ANKS1B: variants seen among roughly 807,000 people sequenced by gnomAD.
ANKS1B encodes ankyrin repeat and sterile alpha motif domain-containing protein 1B.
ANKS1B carries 36 observed loss-of-function variants against 148.3 expected under a neutral mutation model. The observed-to-expected ratio is 0.24, with a 90% CI of 0.19 to 0.32. The LOEUF (loss-of-function observed/expected upper bound fraction) is 0.32. Among genes scored for constraint, ANKS1B ranks in the 10% least tolerant of loss-of-function variants. ANKS1B has a pLI of 1.00. For synonymous variants in ANKS1B, 542 were observed against 560.8 expected, an observed-to-expected ratio of 0.97 and a Z score of 0.47; for missense variants, 1,157 against 1,542.6, an observed-to-expected ratio of 0.75 and a Z score of 4.19.
chr12:99,881,817 A>G (rs1308821353), intron 1 of ANKS1B, among the ~76,000 whole-genome samples: 1 of 152,226 alleles, frequency 6.6e-6, no homozygotes, highest in East Asian at 1.9e-4. Context: ...ATGCTAAAAT[A>G]AAAATATCAA....
chr12:98,742,276 C>CGAAGGA (rs2097804548), downstream of ANKS1B, among the ~76,000 whole-genome samples: 1 of 152,136 alleles, frequency 6.6e-6, no homozygotes, highest in African/African-American at 2.4e-5. Context: ...TGTCTTATTT[C>CGAAGGA]AGCCTGATGT....
rs139730139 is a variant in ANKS1B at position 99,001,079 on chromosome 12, A to G, written c.2778+52078T>C. Reference sequence around the variant, plus strand: ...TATTTCCACATCTTGTTTTTTTTGAATAGTGCTGCAGTGAACAGTGGGATA... The same window carrying G: ...TATTTCCACATCTTGTTTTTTTTGAGTAGTGCTGCAGTGAACAGTGGGATA... On this transcript the variant is annotated intron_variant, in intron 17 of 26. Coordinates refer to ENST00000683438, the MANE Select transcript of ANKS1B (RefSeq NM_001352186.2). 2.5e-3 allele frequency among the ~76,000 whole-genome samples: 386 copies of G among 151,882 alleles called. 12 individuals carry two copies. The East Asian group carries it at 0.045, about 18-fold the overall frequency.
chr12:99,299,785 CCTT>C (rs1205101065), intron 12 of ANKS1B, among the ~76,000 whole-genome samples: 1 of 152,064 alleles, frequency 6.6e-6, no homozygotes, highest in Non-Finnish European at 1.5e-5. Flanking sequence ...TTTAAAAATC[CCTT>C]TTTTTCCATT....
In ANKS1B at chr12:99,246,773, A is replaced by G; in HGVS notation, c.1848T>C (p.Cys616=). The change falls in exon 13 of 27, where the codon TGT becomes TGC. Residue 616 remains cysteine (C), a synonymous_variant. Coordinates refer to ENST00000683438, the MANE Select transcript of ANKS1B (RefSeq NM_001352186.2). ...AGLLHGSSPA[C]ESPENPFHLY... is the part of the protein sequence containing the mutation. The stretch of plus-strand genomic sequence containing the variant: ...GATGAAATGGATTTTCAGGGGACTC[A>G]CAGGCTGGAGAGGATCCATGGAGCA... The G allele has an allele frequency of 6.2e-7, 1 of 1,613,828 alleles. No homozygotes were observed. The highest frequency in any genetic ancestry group is 8.5e-7 in the Non-Finnish European group (1 of 1,179,852).
At chr12:98,760,813 T>G (rs1231540313) in intron 25 of ANKS1B, among the ~76,000 whole-genome samples, 1 of 152,216 alleles carries the variant, frequency 6.6e-6, no homozygotes, top group African/African-American at 2.4e-5. Context: ...AAAAATGTTG[T>G]TACGTGGATA....
intron 10 of ANKS1B, among the ~76,000 whole-genome samples, chr12:99,487,577 A>G (rs967590429): frequency 6.7e-6 from 1 of 150,354 alleles, no homozygotes; most frequent in African/African-American, 2.4e-5. Flanking sequence ...CAGTGCTACA[A>G]GCATGTATGT....
intron 5 of ANKS1B, among the ~76,000 whole-genome samples, 160 bp from the exon 6 acceptor site, chr12:99,780,132 C>T (rs151042774): frequency 3.3e-5 from 5 of 151,854 alleles, no homozygotes; most frequent in East Asian, 1.9e-4. Context: ...CACACACATG[C>T]GCACACACAC....
intron 12 of ANKS1B, among the ~76,000 whole-genome samples, chr12:99,380,008 A>AT (rs1161444695): frequency 6.6e-6 from 1 of 152,166 alleles, no homozygotes; most frequent in Non-Finnish European, 1.5e-5. Context: ...AGTAATCCTT[A>AT]TTTGTCTACA....
chr12:99,967,201 T>C lies in ANKS1B; in HGVS notation c.134+16903A>G, dbSNP rs572093146. ...TTGCATAGATATTAATGCTTAGTAA[T>C]AATAAGCATTTTATTTCCTCCTGTG... On this transcript the variant is annotated intron_variant, in intron 1 of 26. Coordinates refer to ENST00000683438, the MANE Select transcript of ANKS1B (RefSeq NM_001352186.2). Among the ~76,000 whole-genome samples the C allele has an allele frequency of 9.8e-5, 15 of 152,290 alleles. No individual in the cohort carries two copies. In the South Asian group the frequency reaches 3.1e-3, roughly 32 times the overall value.
intron 1 of ANKS1B, among the ~76,000 whole-genome samples, chr12:99,914,497 A>AAG (rs2094108717): frequency 2.0e-5 from 3 of 152,324 alleles, no homozygotes; most frequent in Admixed American, 6.5e-5. Context: ...TGGGTAAGCC[A>AAG]TCTATCAATT....
intron 15 of ANKS1B, among the ~76,000 whole-genome samples, chr12:99,143,211 T>C (rs1254146288): frequency 6.6e-6 from 1 of 152,090 alleles, no homozygotes; most frequent in Non-Finnish European, 1.5e-5. Context: ...AAGGTAAAAG[T>C]ATAACAATGT....
chr12:98,927,790 G>A (rs2152944521), intron 17 of ANKS1B, among the ~76,000 whole-genome samples: 1 of 151,044 alleles, frequency 6.6e-6, no homozygotes. Flanking sequence ...AGAGAAACAA[G>A]AAAATTAAAA....
At chr12:99,189,803 C>T (rs1480166174) in intron 14 of ANKS1B, among the ~76,000 whole-genome samples, 2 of 152,158 alleles carry the variant, frequency 1.3e-5, no homozygotes, top group African/African-American at 4.8e-5. Context: ...CCCTCTCTCA[C>T]CACTCCTATT....
intron 1 of ANKS1B, among the ~76,000 whole-genome samples, chr12:99,948,936 G>C (rs565575087): frequency 1.3e-5 from 2 of 152,140 alleles, no homozygotes; most frequent in East Asian, 3.8e-4. Flanking sequence ...CACAATCTGA[G>C]CCCAGCTGCT....
chr12:99,639,609 C>A (rs899354116), intron 9 of ANKS1B, among the ~76,000 whole-genome samples: 8 of 152,082 alleles, frequency 5.3e-5, no homozygotes, highest in African/African-American at 1.7e-4. Flanking sequence ...ACAGTTACCC[C>A]CATCCTGCTG....
chr12:99,936,006 A>G (rs898564262), intron 1 of ANKS1B, among the ~76,000 whole-genome samples: 1 of 152,202 alleles, frequency 6.6e-6, no homozygotes, highest in Non-Finnish European at 1.5e-5. Context: ...AGGAGAAAGA[A>G]TGAGTGCAAG....
rs1377021881 is a variant in ANKS1B, at chr12:99,465,486, A to G, written c.1439-21677T>C. Among the ~76,000 whole-genome samples, 3 of 152,296 alleles carry G rather than the reference A, an allele frequency of 2.0e-5. No individual in the cohort carries two copies. The East Asian group carries it at 5.8e-4, about 29-fold the overall frequency. On this transcript the variant is annotated intron_variant, in intron 10 of 26. Coordinates refer to ENST00000683438, the MANE Select transcript of ANKS1B (RefSeq NM_001352186.2). Reference sequence around the variant, plus strand: ...ATGGACTAAATGCTCCAATTAAAAGACACAGACTGGCAAATTGGATAAAGA... The same window carrying G: ...ATGGACTAAATGCTCCAATTAAAAGGCACAGACTGGCAAATTGGATAAAGA...
At chr12:99,102,981 A>T (rs1320843518) in intron 15 of ANKS1B, among the ~76,000 whole-genome samples, 1 of 148,972 alleles carries the variant, frequency 6.7e-6, no homozygotes, top group Admixed American at 6.7e-5. Flanking sequence ...ACAATAATTG[A>T]AAAAAAAAAG....
At chr12:99,555,300 CTGTT>C (rs1337028425) in intron 9 of ANKS1B, among the ~76,000 whole-genome samples, 1 of 152,038 alleles carries the variant, frequency 6.6e-6, no homozygotes, top group East Asian at 1.9e-4. Flanking sequence ...TCTCTGTTCT[CTGTT>C]TGCTGAAGTT....
Sources: gnomAD v4.1 joint callset for allele counts (sites outside exome capture counted in the v4.1 genomes callset) on GRCh38, gnomAD v4.1.1 for gene constraint, MANE v1.5 for transcripts, NCBI Gene and HGNC (gene_info 2026-07-23, HGNC 2026-07-21) for gene names.